The following ATP6V1E1 variants were observed in gnomAD, a reference collection of about 807,000 sequenced individuals.
ATP6V1E1 encodes the protein ATPase H+ transporting V1 subunit E1.
A neutral mutation model predicts 35.2 loss-of-function variants in ATP6V1E1; 21 were observed. That is an observed-to-expected ratio of 0.60 (90% CI 0.42 to 0.86). The LOEUF is 0.86. Ranked by LOEUF, ATP6V1E1 falls within the 40% of genes least tolerant of loss-of-function variation. The pLI is 0.00. For missense variants in ATP6V1E1, 183 were observed against 272.6 expected, an observed-to-expected ratio of 0.67 and a Z score of 2.32; for synonymous variants, 83 against 87.8, an observed-to-expected ratio of 0.95 and a Z score of 0.30.
chr22:17,600,210 G>A (rs147582121), intron 5 of ATP6V1E1, 115 bp from the exon 6 acceptor site: 33 of 882,550 alleles, frequency 3.7e-5, no homozygotes, highest in African/African-American at 5.1e-5. Flanking sequence ...CAAGGCGGGC[G>A]GATTGCCTGA....
chr22:17,593,768 C>T (rs1181974918), intron 8 of ATP6V1E1, among the ~76,000 whole-genome samples: 1 of 152,206 alleles, frequency 6.6e-6, no homozygotes, highest in African/African-American at 2.4e-5. Context: ...TTGGCAGCCA[C>T]AGCAATAGAC....
At chr22:17,612,998 G>A in intron 3 of ATP6V1E1, 120 bp from the exon 4 acceptor site, 2 of 1,016,312 alleles carry the variant, frequency 2.0e-6, no homozygotes, top group Middle Eastern at 2.2e-4. Context: ...AGGATTACAA[G>A]CGTGAGCCAC....
intron 1 of ATP6V1E1, among the ~76,000 whole-genome samples, chr22:17,622,193 T>C (rs972085055): frequency 6.6e-6 from 1 of 152,206 alleles, no homozygotes; most frequent in Non-Finnish European, 1.5e-5. Context: ...AGGTCATTAA[T>C]TCATTTTGTT....
chr22:17,608,057 G>C (rs529920805), intron 4 of ATP6V1E1, among the ~76,000 whole-genome samples: 6 of 152,120 alleles, frequency 3.9e-5, no homozygotes, highest in Non-Finnish European at 7.3e-5. Flanking sequence ...CCTATCCCAT[G>C]ACTAATACTT....
chr22:17,604,199 C>CAGGA (rs77852209), intron 4 of ATP6V1E1, among the ~76,000 whole-genome samples: 17,068 of 152,112 alleles, frequency 0.11, 1,158 homozygotes, highest in African/African-American at 0.19. Context: ...GTGTGATAAG[C>CAGGA]TCCTAACATC....
chr22:17,605,693 C>CTTTTT (rs3044548), intron 4 of ATP6V1E1, among the ~76,000 whole-genome samples: 168 of 103,988 alleles, frequency 1.6e-3, no homozygotes, highest in African/African-American at 4.9e-3. Flanking sequence ...AGATGTTTCT[C>CTTTTT]TTTTTTTTTT....
intron 4 of ATP6V1E1, among the ~76,000 whole-genome samples, chr22:17,604,945 G>T (rs948239958): frequency 3.3e-5 from 5 of 152,074 alleles, no homozygotes; most frequent in Non-Finnish European, 7.4e-5. Context: ...GCTGGGTGCG[G>T]TTGCTCACGC....
intron 4 of ATP6V1E1, among the ~76,000 whole-genome samples, chr22:17,601,577 T>G (rs951373170): frequency 2.6e-5 from 4 of 152,212 alleles, no homozygotes; most frequent in African/African-American, 9.6e-5. Flanking sequence ...ACAGTCTACC[T>G]TTGGAAGGCC....
In ATP6V1E1 at chr22:17,619,541, A is replaced by G. The variant is rs1331882048; in HGVS notation, c.34-15T>C. On this transcript the variant is annotated splice_polypyrimidine_tract_variant and intron_variant, in intron 1 of 8. Coordinates refer to ENST00000253413, the MANE Select transcript of ATP6V1E1 (RefSeq NM_001696.4). ...ATATGCTTTATCTATAAGGAAAAAAAGTTTTATTTTTTAGTTCAAAAATAT... is the reference window on the plus strand; with the variant it reads ...ATATGCTTTATCTATAAGGAAAAAAGGTTTTATTTTTTAGTTCAAAAATAT... 1 of 1,559,250 alleles carries G rather than the reference A, an allele frequency of 6.4e-7. No individual in the cohort carries two copies. Among genetic ancestry groups the G allele is most frequent in the Non-Finnish European group, 8.7e-7 (1 of 1,154,610 alleles).
intron 4 of ATP6V1E1, among the ~76,000 whole-genome samples, chr22:17,603,400 C>CA (rs1332034158): frequency 6.6e-6 from 1 of 151,692 alleles, no homozygotes; most frequent in Non-Finnish European, 1.5e-5. Flanking sequence ...CCTGTAGTCC[C>CA]AGGTACTAGG....
chr22:17,624,036 G>T (rs1486359503), intron 1 of ATP6V1E1, among the ~76,000 whole-genome samples: 5 of 152,086 alleles, frequency 3.3e-5, no homozygotes, highest in African/African-American at 1.2e-4. Flanking sequence ...TAAATTTGAT[G>T]AAATAAATTA....
Position 17,628,691 on chromosome 22 carries a change from G to T in ATP6V1E1, c.-56C>A, listed in dbSNP as rs2057940660. On this transcript the variant is annotated 5_prime_UTR_variant, in exon 1 of 9. Transcript: ENST00000253413. ...AGGCTCGAGTTTAGGTTTGAAAGGT[G>T]AGGTGAGAGAAATCGGCAAAGGGAA... The T allele has an allele frequency of 1.9e-6, 3 of 1,611,286 alleles. No homozygotes were observed. The highest frequency in any genetic ancestry group is 2.2e-5 in the South Asian group (2 of 91,040).
intron 4 of ATP6V1E1, among the ~76,000 whole-genome samples, chr22:17,612,193 T>C (rs2057818934): frequency 6.6e-6 from 1 of 152,106 alleles, no homozygotes; most frequent in South Asian, 2.1e-4. Context: ...TTTCTCCAAC[T>C]CATAAGGAAT....
At chr22:17,604,915 C>T (rs560016453) in intron 4 of ATP6V1E1, among the ~76,000 whole-genome samples, 161 of 152,132 alleles carry the variant, frequency 1.1e-3, no homozygotes, top group African/African-American at 3.7e-3. Flanking sequence ...TATTTATTCT[C>T]GTTTAAAAAA....
chr22:17,618,595 C>A (rs1374033991), intron 2 of ATP6V1E1, among the ~76,000 whole-genome samples: 1 of 144,490 alleles, frequency 6.9e-6, no homozygotes, highest in East Asian at 2.2e-4. Context: ...GGCAAGAGAA[C>A]GGTGTGAACC....
intron 7 of ATP6V1E1, among the ~76,000 whole-genome samples, chr22:17,596,573 A>G (rs1296825): frequency 0.14 from 22,020 of 151,894 alleles, 2,929 homozygotes; most frequent in African/African-American, 0.34. Context: ...AGAATCATGA[A>G]CCAAATAAAC....
At position 17,604,526 on chromosome 22, in the gene ATP6V1E1, C is replaced by CTTTTTTTT. The variant is rs66549570; in HGVS notation, c.277-3353_277-3346dup. Among the ~76,000 whole-genome samples the CTTTTTTTT allele has an allele frequency of 2.3e-4, 33 of 144,914 alleles. 2 individuals carry two copies. Among genetic ancestry groups the CTTTTTTTT allele is most frequent in the East Asian group, 4.0e-4 (2 of 4,968 alleles). ...GTGGGCATTTATTTCTTTGTTTTCT[C>CTTTTTTTT]TTTTTTTTTTTGAGACGGAGTCTCG... On this transcript the variant is annotated intron_variant, in intron 4 of 8. Coordinates refer to ENST00000253413, the MANE Select transcript of ATP6V1E1 (RefSeq NM_001696.4).
chr22:17,608,316 A>T (rs2057796304), intron 4 of ATP6V1E1, among the ~76,000 whole-genome samples: 2 of 152,170 alleles, frequency 1.3e-5, no homozygotes, highest in African/African-American at 4.8e-5. Flanking sequence ...CAGCAGACAA[A>T]CTCAGAGTGA....
Position 17,592,425 on chromosome 22 carries a change from C to T in ATP6V1E1, c.*249G>A. The T allele has an allele frequency of 2.0e-6, 1 of 498,266 alleles. No homozygotes were observed. Among genetic ancestry groups the T allele is most frequent in the Non-Finnish European group, 3.6e-6 (1 of 275,938 alleles). 30.9% of individuals were successfully genotyped at this position (498,266 alleles called of 1,614,324 possible). ...CCACCATCTGCCCCCTCCCCTAGTGCTGCAGAACCGGCTGGACACTGTCAC... is the reference window on the plus strand; with the variant it reads ...CCACCATCTGCCCCCTCCCCTAGTGTTGCAGAACCGGCTGGACACTGTCAC... On this transcript the variant is annotated 3_prime_UTR_variant, in exon 9 of 9. Coordinates refer to ENST00000253413, the MANE Select transcript of ATP6V1E1 (RefSeq NM_001696.4).
Sources: gnomAD v4.1 joint callset for allele counts (sites outside exome capture counted in the v4.1 genomes callset) on GRCh38, gnomAD v4.1.1 for gene constraint, MANE v1.5 for transcripts, NCBI Gene and HGNC (gene_info 2026-07-23, HGNC 2026-07-21) for gene names.